The following PALB2 variants were observed in gnomAD, a reference collection of about 807,000 sequenced individuals.
PALB2 encodes partner and localizer of BRCA2, also known as mutant partner and localizer of BRCA2.
In PALB2, 82 loss-of-function variants were observed where a neutral mutation model predicts 107.4. The observed-to-expected ratio is 0.76, with a 90% CI of 0.64 to 0.92. The LOEUF is 0.92. PALB2 is among the 40% of genes least tolerant of loss of function. PALB2 has a pLI of 0.00. For synonymous variants in PALB2, 489 were observed against 496.8 expected (o/e 0.98, Z 0.21); for missense variants, 1,374 against 1,379.9 (o/e 1.00, Z 0.07).
At position 23,641,101 on chromosome 16, in the gene PALB2, C is replaced by T. The variant is rs1782502330; in HGVS notation, c.48+9G>A. 6.2e-7 allele frequency: 1 copy of T among 1,613,142 alleles called. No homozygotes were observed. Among genetic ancestry groups the T allele is most frequent in the Non-Finnish European group, 8.5e-7 (1 of 1,179,676 alleles). On this transcript the variant is annotated intron_variant, in intron 1 of 12. Coordinates refer to ENST00000261584, the MANE Select transcript of PALB2 (RefSeq NM_024675.4). ...AGTCCTGCGTCCGCCCTTCCCGCAC[C>T]CCCGGCACCTTTTCCTTCTCCTCAC...
intron 6 of PALB2, among the ~76,000 whole-genome samples, chr16:23,628,241 A>G (rs1314197321): frequency 6.6e-6 from 1 of 152,214 alleles, no homozygotes; most frequent in Admixed American, 6.5e-5. Flanking sequence ...AAAAAATAAA[A>G]TAAGTTATTA....
rs530320939 is a variant in PALB2 at position 23,619,737 on chromosome 16, A to G, written c.3113+1625T>C. 3.9e-5 allele frequency among the ~76,000 whole-genome samples: 6 copies of G among 152,248 alleles called. No individual in the cohort carries two copies. The East Asian group carries it at 1.2e-3, about 29-fold the overall frequency. On this transcript the variant is annotated intron_variant, in intron 10 of 12. Transcript: ENST00000261584. ...CTGAATACCTCCTATGTGCCAGACAATATGGTAAGTACTTTTAAAATACAA... is the reference window on the plus strand; with the variant it reads ...CTGAATACCTCCTATGTGCCAGACAGTATGGTAAGTACTTTTAAAATACAA...
chr16:23,611,137 CGTT>C (rs1239321190), intron 11 of PALB2, among the ~76,000 whole-genome samples: 3 of 147,870 alleles, frequency 2.0e-5, no homozygotes, highest in Admixed American at 6.8e-5. Context: ...TCTATCTATT[CGTT>C]GTTGTTGTTG....
chr16:23,612,746 CT>C lies in PALB2; in HGVS notation c.3201+1257del, dbSNP rs371327698. Among the ~76,000 whole-genome samples, 125 of 146,848 alleles carry C rather than the reference CT, an allele frequency of 8.5e-4. 2 individuals carry two copies. Among genetic ancestry groups the C allele is most frequent in the Non-Finnish European group, 1.0e-3 (66 of 66,152 alleles). On this transcript the variant is annotated intron_variant, in intron 11 of 12. Transcript: ENST00000261584. ...TTTTGCCACATTGCCCAAGGTAAAA[CT>C]TTTTTTTTTTCTTTTTGTTTTTTGA...
chr16:23,622,807 C>T (rs748424043), intron 9 of PALB2, among the ~76,000 whole-genome samples, 162 bp downstream of exon 9: 3 of 152,316 alleles, frequency 2.0e-5, no homozygotes, highest in East Asian at 1.9e-4. Context: ...GCTTCCACCT[C>T]ACTAACCTGC....
intron 12 of PALB2, among the ~76,000 whole-genome samples, chr16:23,604,359 A>G (rs1966423506): frequency 6.6e-6 from 1 of 152,242 alleles, no homozygotes; most frequent in Admixed American, 6.5e-5. Flanking sequence ...TTATCAGTAC[A>G]ATAGGGATGA....
At chr16:23,617,694 T>C (rs77493928) in intron 10 of PALB2, 5,082 of 150,664 alleles carry the variant, frequency 0.034, 119 homozygotes, top group Middle Eastern at 0.093. Context: ...CAGTGAGCCA[T>C]AGTCATGCCA....
intron 12 of PALB2, among the ~76,000 whole-genome samples, chr16:23,606,821 C>CTTTTT (rs545664784): frequency 0.19 from 20,669 of 107,964 alleles, 2,890 homozygotes; most frequent in African/African-American, 0.3. Context: ...CTGCACCCTG[C>CTTTTT]TTTTTTTTTT....
Position 23,635,890 on chromosome 16 carries a change from T to C in PALB2, c.656A>G (p.Asp219Gly), listed in dbSNP as rs45594034. Residue 219 changes from aspartate to glycine, a missense_variant, in exon 4 of 13, where the codon GAC (aspartate) becomes GGC (glycine). Coordinates refer to ENST00000261584, the MANE Select transcript of PALB2 (RefSeq NM_024675.4). Reference protein sequence around the residue: ...SPEPVTEINEDSVLIPPTAQP... With the variant: ...SPEPVTEINEGSVLIPPTAQP... ...GGCAGTTGGTGGAATTAATACACTG[T>C]CTTCATTAATTTCTGTAACTGGTTC... 440 of 1,614,126 alleles carry C rather than the reference T, an allele frequency of 2.7e-4. 1 individual carries two copies. The highest frequency in any genetic ancestry group is 3.4e-4 in the Non-Finnish European group (405 of 1,179,986).
chr16:23,611,463 A>ATT (rs113152571), intron 11 of PALB2, among the ~76,000 whole-genome samples: 9,904 of 146,342 alleles, frequency 0.068, 386 homozygotes, highest in East Asian at 0.16. Context: ...TATTATTATT[A>ATT]TTATTTTTTT....
intron 11 of PALB2, among the ~76,000 whole-genome samples, chr16:23,610,541 T>C (rs556717406): frequency 4.0e-5 from 6 of 151,604 alleles, no homozygotes; most frequent in African/African-American, 1.2e-4. Flanking sequence ...TCTCCTGACC[T>C]CGTGATCTGC....
chr16:23,637,418 T>C lies in PALB2; in HGVS notation c.211+432A>G, dbSNP rs546810968. On this transcript the variant is annotated intron_variant, in intron 3 of 12. Transcript: ENST00000261584. ...TGAATTTTATGTTAATTAGAATATA[T>C]TGCAGCCGGGCACAGTGGCTCACAC... 5.3e-5 allele frequency among the ~76,000 whole-genome samples: 8 copies of C among 151,510 alleles called. No homozygotes were observed. The East Asian group carries it at 9.9e-4, about 19-fold the overall frequency.
chr16:23,612,284 C>T (rs1281326271), intron 11 of PALB2, among the ~76,000 whole-genome samples: 1 of 152,136 alleles, frequency 6.6e-6, no homozygotes, highest in Non-Finnish European at 1.5e-5. Context: ...GTGGCACGAT[C>T]TCGGCTCACT....
intron 12 of PALB2, chr16:23,605,809 T>C (rs1966462197): frequency 1.3e-5 from 2 of 152,170 alleles, no homozygotes; most frequent in South Asian, 4.1e-4. Flanking sequence ...AGGTGGGGCT[T>C]TTGAGAAGTG....
chr16:23,640,156 G>A (rs1967183638), intron 1 of PALB2: 3 of 169,898 alleles, frequency 1.8e-5, no homozygotes, highest in African/African-American at 7.1e-5. Context: ...CTCCCAAAGT[G>A]CGGGGATTAC....
At chr16:23,606,198 G>A (rs1370774394) in intron 12 of PALB2, among the ~76,000 whole-genome samples, 1 of 151,820 alleles carries the variant, frequency 6.6e-6, no homozygotes, top group Non-Finnish European at 1.5e-5. Context: ...AGTTTTATAT[G>A]AAAGCACATA....
intron 4 of PALB2, 26 bp from the exon 5 acceptor site, chr16:23,630,495 A>G (rs2142391737): frequency 6.5e-7 from 1 of 1,546,078 alleles, no homozygotes; most frequent in East Asian, 2.3e-5. Context: ...AAGTCACAAA[A>G]TAGTAACAAA....
chr16:23,621,896 T>C (rs1258068414), intron 9 of PALB2, among the ~76,000 whole-genome samples: 2 of 152,150 alleles, frequency 1.3e-5, no homozygotes, highest in East Asian at 1.9e-4. Flanking sequence ...CCCTACCATG[T>C]TGATATTCTC....
At position 23,635,010 on chromosome 16, in the gene PALB2, G is replaced by T. The variant is rs1567220802; in HGVS notation, c.1536C>A (p.Tyr512Ter). Residue 512 changes from tyrosine to a stop codon, truncating the protein, a stop_gained, in exon 4 of 13, where the codon TAC becomes TAA. Coordinates refer to ENST00000261584, the MANE Select transcript of PALB2 (RefSeq NM_024675.4). LOFTEE classifies it high-confidence loss of function. ...TGCAGGCTGATTTTCTTTTTCCTGT[G>T]TATCTTCTACCAGGTGCTTGGGCAA... ...KAVAQAPGRR[Y>*]TGKRKSACTP... 6.2e-7 allele frequency: 1 copy of T among 1,614,110 alleles called. No individual in the cohort carries two copies. The highest frequency in any genetic ancestry group is 8.5e-7 in the Non-Finnish European group (1 of 1,180,038).
Sources: gnomAD v4.1 joint callset for allele counts (sites outside exome capture counted in the v4.1 genomes callset) on GRCh38, gnomAD v4.1.1 for gene constraint, MANE v1.5 for transcripts, NCBI Gene and HGNC (gene_info 2026-07-23, HGNC 2026-07-21) for gene names.